Variants in DPY19L1 observed in about 807,000 individuals in gnomAD.
DPY19L1 encodes dpy-19 like C-mannosyltransferase 1.
Under a neutral mutation model 96.9 loss-of-function variants are expected in DPY19L1, and 35 were observed. That is an observed-to-expected ratio of 0.36 (90% CI 0.28 to 0.48). The LOEUF (loss-of-function observed/expected upper bound fraction) is 0.48. Ranked by LOEUF, DPY19L1 falls within the 20% of genes least tolerant of loss-of-function variation. The pLI, the probability that DPY19L1 is intolerant of heterozygous loss-of-function variation, is 0.99. For missense variants in DPY19L1, 521 were observed against 777.9 expected, an observed-to-expected ratio of 0.67 and a Z score of 3.93; for synonymous variants, 205 against 252.6, an observed-to-expected ratio of 0.81 and a Z score of 1.79.
chr7:34,977,717 T>G (rs1231614792), intron 7 of DPY19L1, among the ~76,000 whole-genome samples: 20 of 152,212 alleles, frequency 1.3e-4, no homozygotes, highest in Non-Finnish European at 8.8e-5. Flanking sequence ...TATCTCATTT[T>G]AAATGTAAAA....
At chr7:34,970,738 C>T (rs755785970) in intron 8 of DPY19L1, among the ~76,000 whole-genome samples, 7 of 151,468 alleles carry the variant, frequency 4.6e-5, no homozygotes, top group South Asian at 2.1e-4. Flanking sequence ...ATAAAGAATG[C>T]GCTGTGGGGA....
chr7:34,952,114 T>TA (rs150497259), intron 13 of DPY19L1, among the ~76,000 whole-genome samples: 31,233 of 107,650 alleles, frequency 0.29, 3,655 homozygotes, highest in Admixed American at 0.44. Context: ...GTAGGAAAAA[T>TA]AAAAAAAAAG....
chr7:34,953,798 G>A lies in DPY19L1; in HGVS notation c.1320+900C>T, dbSNP rs543751793. Among the ~76,000 whole-genome samples, 14 of 152,170 alleles carry A rather than the reference G, an allele frequency of 9.2e-5. No homozygotes were observed. The South Asian group carries it at 1.0e-3, about 11-fold the overall frequency. ...CAGATTGTAGACCAACCATTTAATGGTCCATGTGTTTTCAATCTTTTAAGC... is the reference window on the plus strand; with the variant it reads ...CAGATTGTAGACCAACCATTTAATGATCCATGTGTTTTCAATCTTTTAAGC... On this transcript the variant is annotated intron_variant, in intron 13 of 21. Transcript: ENST00000638088.
chr7:35,004,498 T>C (rs1300750670), intron 6 of DPY19L1, among the ~76,000 whole-genome samples: 1 of 152,212 alleles, frequency 6.6e-6, no homozygotes, highest in Non-Finnish European at 1.5e-5. Flanking sequence ...AAAGAGAATG[T>C]ATTAAGAAGG....
At chr7:34,973,434 G>A in intron 8 of DPY19L1, 80 bp downstream of exon 8, 1 of 781,636 alleles carries the variant, frequency 1.3e-6, no homozygotes, top group Middle Eastern at 4.4e-4. Context: ...ATTTTATTAT[G>A]TTCACTTTAT....
chr7:34,964,212 T>C (rs1489086183), intron 10 of DPY19L1, among the ~76,000 whole-genome samples: 2 of 152,062 alleles, frequency 1.3e-5, no homozygotes, highest in African/African-American at 4.8e-5. Context: ...TGGAAGAAGA[T>C]AGAAAACAGT....
rs1261148656 is a variant in DPY19L1 at position 35,036,413 on chromosome 7, G to GT, written c.298+683dup. On this transcript the variant is annotated intron_variant, in intron 1 of 21. Transcript: ENST00000638088. ...CGAAACATACGAATGCGTCAACTTT[G>GT]TTTTTTTTTTTCAGCACATCATTAC... 1.7e-3 allele frequency among the ~76,000 whole-genome samples: 250 copies of GT among 145,262 alleles called. 2 individuals are homozygous for GT. Among genetic ancestry groups the GT allele is most frequent in the East Asian group, 5.0e-3 (25 of 5,004 alleles).
intron 14 of DPY19L1, among the ~76,000 whole-genome samples, chr7:34,948,373 A>G (rs1354436335): frequency 6.6e-6 from 1 of 152,098 alleles, no homozygotes; most frequent in Non-Finnish European, 1.5e-5. Flanking sequence ...CCATGTCAGT[A>G]TGATATCATA....
intron 7 of DPY19L1, among the ~76,000 whole-genome samples, chr7:34,982,034 G>A (rs901972566): frequency 3.3e-5 from 5 of 152,108 alleles, no homozygotes; most frequent in South Asian, 2.1e-4. Flanking sequence ...ATTGTGAGAC[G>A]TCTACAAAAT....
chr7:35,021,043 T>C (rs1562829730), intron 1 of DPY19L1, among the ~76,000 whole-genome samples: 1 of 152,214 alleles, frequency 6.6e-6, no homozygotes, highest in Non-Finnish European at 1.5e-5. Context: ...TATTTACATA[T>C]AATAATTTTG....
At position 34,940,578 on chromosome 7, in the gene DPY19L1, A is replaced by G. The variant is rs148285405; in HGVS notation, c.1690-251T>C. On this transcript the variant is annotated intron_variant, in intron 18 of 21. Transcript: ENST00000638088. ...CTTTCACTACTCCCAGATTCAAGTA[A>G]AGCCACAACCAATTTACAAGGCCCA... Among the ~76,000 whole-genome samples, 917 of 152,164 alleles carry G rather than the reference A, an allele frequency of 6.0e-3. 7 individuals carry two copies. Among genetic ancestry groups the G allele is most frequent in the African/African-American group, 0.021 (875 of 41,534 alleles).
At chr7:34,981,342 T>A (rs1049473653) in intron 7 of DPY19L1, among the ~76,000 whole-genome samples, 8 of 152,128 alleles carry the variant, frequency 5.3e-5, no homozygotes, top group Admixed American at 4.6e-4. Context: ...GTAGATGAAA[T>A]GGCAGAATTA....
chr7:35,011,539 A>C (rs879016403), intron 4 of DPY19L1, 89 bp from the exon 5 acceptor site: 1 of 1,289,044 alleles, frequency 7.8e-7, no homozygotes, highest in South Asian at 1.5e-5. Flanking sequence ...GACAATTACC[A>C]TATTTTCCCT....
intron 3 of DPY19L1, among the ~76,000 whole-genome samples, chr7:35,017,207 T>G (rs972861556): frequency 5.9e-5 from 9 of 152,018 alleles, no homozygotes; most frequent in South Asian, 2.1e-4. Flanking sequence ...TAAAAAGAGA[T>G]AGTTGGCCGG....
At chr7:34,941,290 T>G (rs1451607058) in intron 18 of DPY19L1, among the ~76,000 whole-genome samples, 2 of 151,394 alleles carry the variant, frequency 1.3e-5, no homozygotes, top group African/African-American at 4.9e-5. Context: ...CCAGGAAAAA[T>G]AAGCAGCAAA....
intron 14 of DPY19L1, among the ~76,000 whole-genome samples, chr7:34,948,756 C>G (rs1176439048): frequency 3.3e-5 from 5 of 152,166 alleles, no homozygotes; most frequent in Non-Finnish European, 4.4e-5. Flanking sequence ...GATATGCTTC[C>G]TTTGTTTGTT....
intron 6 of DPY19L1, among the ~76,000 whole-genome samples, chr7:34,994,255 G>A (rs373594663): frequency 3.9e-5 from 6 of 152,052 alleles, no homozygotes; most frequent in East Asian, 1.9e-4. Flanking sequence ...GCTCAATGTC[G>A]TGACTATACA....
chr7:34,977,610 A>G (rs328896), intron 7 of DPY19L1, among the ~76,000 whole-genome samples: 40,623 of 152,146 alleles, frequency 0.27, 5,593 homozygotes, highest in Non-Finnish European at 0.31. Flanking sequence ...TGGTACAAAC[A>G]TAATTGCCAT....
intron 3 of DPY19L1, among the ~76,000 whole-genome samples, chr7:35,015,309 G>A (rs1317832344): frequency 6.6e-6 from 1 of 152,158 alleles, no homozygotes; most frequent in Admixed American, 6.5e-5. Context: ...TATATCCCTA[G>A]TGGACTATAT....
Sources: allele counts gnomAD v4.1 joint callset (sites outside exome capture counted in the v4.1 genomes callset), GRCh38; gene constraint gnomAD v4.1.1; transcripts MANE v1.5; gene names NCBI Gene and HGNC (gene_info 2026-07-23, HGNC 2026-07-21).